The following CDH13 variants were observed in gnomAD, a reference collection of about 807,000 sequenced individuals.
The protein encoded by CDH13 is cadherin 13, also known as cadherin-13.
Under a neutral mutation model 63.8 loss-of-function variants are expected in CDH13, and 24 were observed. The ratio of observed to expected loss-of-function variants is 0.38; its 90% confidence interval spans 0.27 to 0.53. The LOEUF is 0.53. CDH13 is among the 20% of genes least tolerant of loss of function. The pLI, the probability that CDH13 is intolerant of heterozygous loss-of-function variation, is 0.85. For synonymous variants in CDH13, 503 were observed against 355.3 expected, an observed-to-expected ratio of 1.42 and a Z score of -4.67; for missense variants, 1,049 against 903.1, an observed-to-expected ratio of 1.16 and a Z score of -2.07.
chr16:82,629,807 A>G (rs1907791474), intron 1 of CDH13, among the ~76,000 whole-genome samples: 2 of 152,226 alleles, frequency 1.3e-5, no homozygotes, highest in South Asian at 4.1e-4. Flanking sequence ...AGTCTGTCCC[A>G]GAAGTGGCTT....
intron 6 of CDH13, among the ~76,000 whole-genome samples, chr16:83,400,504 A>G (rs1055710904): frequency 6.6e-6 from 1 of 152,188 alleles, no homozygotes; most frequent in Non-Finnish European, 1.5e-5. Context: ...AACTCATGCA[A>G]TTTGGCAACC....
intron 3 of CDH13, among the ~76,000 whole-genome samples, chr16:83,051,840 G>C (rs1036155734): frequency 2.0e-5 from 3 of 152,194 alleles, no homozygotes; most frequent in African/African-American, 7.2e-5. Flanking sequence ...CGAAAACTTT[G>C]AGTCTGTTAC....
intron 11 of CDH13, among the ~76,000 whole-genome samples, chr16:83,772,658 A>G (rs1355766817): frequency 6.6e-6 from 1 of 152,234 alleles, no homozygotes; most frequent in Non-Finnish European, 1.5e-5. Context: ...AATCTCATTA[A>G]GTCGCTTGCC....
chr16:83,214,579 CA>C (rs751124100), intron 4 of CDH13, among the ~76,000 whole-genome samples: 61 of 39,792 alleles, frequency 1.5e-3, no homozygotes, highest in African/African-American at 4.6e-3. Context: ...GACTCTGTCT[CA>C]AAAAAAAAAA....
intron 2 of CDH13, among the ~76,000 whole-genome samples, chr16:82,929,624 C>T (rs1343911084): frequency 8.5e-6 from 1 of 116,990 alleles, no homozygotes; most frequent in Non-Finnish European, 1.6e-5. Context: ...TGCACTCCAG[C>T]TTGGGGGACA....
At chr16:83,692,678 C>T (rs1407079222) in intron 10 of CDH13, among the ~76,000 whole-genome samples, 1 of 152,196 alleles carries the variant, frequency 6.6e-6, no homozygotes, top group Non-Finnish European at 1.5e-5. Flanking sequence ...GCAAAGGAAA[C>T]TGACCTTGAC....
intron 10 of CDH13, among the ~76,000 whole-genome samples, chr16:83,709,813 C>T (rs957071059): frequency 6.6e-6 from 1 of 152,218 alleles, no homozygotes; most frequent in African/African-American, 2.4e-5. Context: ...GAACATCAGA[C>T]ATATGGAAAA....
At chr16:83,014,828 T>A (rs12924213) in intron 2 of CDH13, among the ~76,000 whole-genome samples, 12 of 87,794 alleles carry the variant, frequency 1.4e-4, no homozygotes, top group South Asian at 3.3e-4. Context: ...ATATATATAT[T>A]TGTATATATA....
chr16:83,243,243 G>A lies in CDH13; in HGVS notation c.636+25746G>A, dbSNP rs548031353. Among the ~76,000 whole-genome samples, 12 of 152,250 alleles carry A rather than the reference G, an allele frequency of 7.9e-5. No homozygotes were observed. The East Asian group carries it at 9.7e-4, about 12-fold the overall frequency. ...ACGCTGCTGATAAAAACATACCTGCGACTGGGTAATTTATAAAGAAAATGA... is the reference window on the plus strand; with the variant it reads ...ACGCTGCTGATAAAAACATACCTGCAACTGGGTAATTTATAAAGAAAATGA... On this transcript the variant is annotated intron_variant, in intron 5 of 13. Transcript: ENST00000567109.
At chr16:83,124,526 A>AT (rs796542234) in intron 3 of CDH13, among the ~76,000 whole-genome samples, 7,626 of 133,720 alleles carry the variant, frequency 0.057, 250 homozygotes, top group African/African-American at 0.079. Flanking sequence ...TGAATTGTCC[A>AT]TTTTTTTTTT....
intron 7 of CDH13, among the ~76,000 whole-genome samples, chr16:83,540,210 C>T (rs2075274179): frequency 6.6e-6 from 1 of 151,674 alleles, no homozygotes; most frequent in South Asian, 2.1e-4. Flanking sequence ...TGTTGGAGGC[C>T]GAAAGATTGA....
chr16:83,650,155 T>A (rs548424870), intron 8 of CDH13, among the ~76,000 whole-genome samples: 4 of 152,182 alleles, frequency 2.6e-5, no homozygotes, highest in African/African-American at 9.6e-5. Context: ...TGCACCTGCA[T>A]CCACTTGGCA....
At chr16:82,925,522 C>T (rs1236516535) in intron 2 of CDH13, among the ~76,000 whole-genome samples, 4 of 152,364 alleles carry the variant, frequency 2.6e-5, no homozygotes, top group East Asian at 1.9e-4. Flanking sequence ...ACAGGTCATG[C>T]ACTAGCTGCA....
chr16:83,271,420 C>CTTAAAAAAA (rs2088805192), intron 5 of CDH13, among the ~76,000 whole-genome samples: 1 of 486 alleles, frequency 2.1e-3, no homozygotes, highest in Non-Finnish European at 0.011. Flanking sequence ...AGGCAGAGTT[C>CTTAAAAAAA]ATAAAAAAAA....
chr16:83,512,692 A>C (rs2074601874), intron 7 of CDH13, among the ~76,000 whole-genome samples: 1 of 150,906 alleles, frequency 6.6e-6, no homozygotes, highest in Non-Finnish European at 1.5e-5. Flanking sequence ...TAATATAATA[A>C]TAATAATAGT....
At chr16:83,026,920 G>C (rs568864286) in intron 2 of CDH13, among the ~76,000 whole-genome samples, 32 of 152,242 alleles carry the variant, frequency 2.1e-4, no homozygotes, top group African/African-American at 7.2e-4. Context: ...TAAGCAGAGC[G>C]GCTGAGTGCC....
chr16:82,738,591 T>A (rs2033792624), intron 1 of CDH13, among the ~76,000 whole-genome samples: 1 of 152,222 alleles, frequency 6.6e-6, no homozygotes. Flanking sequence ...TTCTCCATGC[T>A]GTAACTAAAC....
At position 82,955,343 on chromosome 16, in the gene CDH13, G is replaced by C. The variant is rs185222156; in HGVS notation, c.158-76667G>C. ...CCAGAATTCCTAAAACATTCAAGAA[G>C]GATGTTATCGGTACATGATCAGAGT... On this transcript the variant is annotated intron_variant, in intron 2 of 13. Coordinates refer to ENST00000567109, the MANE Select transcript of CDH13 (RefSeq NM_001257.5). Among the ~76,000 whole-genome samples, 281 of 152,298 alleles carry C rather than the reference G, an allele frequency of 1.8e-3. 1 individual carries two copies. The highest frequency in any genetic ancestry group is 3.7e-3 in the South Asian group (18 of 4,830).
At chr16:83,222,040 TC>T (rs1434183130) in intron 5 of CDH13, among the ~76,000 whole-genome samples, 1 of 152,098 alleles carries the variant, frequency 6.6e-6, no homozygotes, top group Non-Finnish European at 1.5e-5. Context: ...GTGCCAAGGC[TC>T]CATGCCAAAT....
Sources: gnomAD v4.1 joint callset for allele counts (sites outside exome capture counted in the v4.1 genomes callset) on GRCh38, gnomAD v4.1.1 for gene constraint, MANE v1.5 for transcripts, NCBI Gene and HGNC (gene_info 2026-07-23, HGNC 2026-07-21) for gene names.